RNF114: variants seen among roughly 807,000 people sequenced by gnomAD.
The protein encoded by RNF114 is E3 ubiquitin-protein ligase RNF114.
A neutral mutation model predicts 28.4 loss-of-function variants in RNF114; 6 were observed. That is an observed-to-expected ratio of 0.21 (90% confidence interval 0.12 to 0.42). The LOEUF (loss-of-function observed/expected upper bound fraction) is 0.42, where lower values mean the gene tolerates loss of function less well. Ranked by LOEUF, RNF114 falls within the 10% of genes least tolerant of loss-of-function variation. The pLI, the probability that RNF114 is intolerant of heterozygous loss-of-function variation, is 1.00. For missense variants in RNF114, 249 were observed against 311.7 expected, an observed-to-expected ratio of 0.80 and a Z score of 1.51; for synonymous variants, 115 against 116.7, an observed-to-expected ratio of 0.99 and a Z score of 0.09.
At chr20:49,937,951 A>T (rs984571996) in intron 1 of RNF114, among the ~76,000 whole-genome samples, 5 of 152,208 alleles carry the variant, frequency 3.3e-5, no homozygotes, top group Non-Finnish European at 7.3e-5. Flanking sequence ...TTGATTATAA[A>T]TAAGTACCAA....
At chr20:49,936,697 T>A in intron 1 of RNF114, 145 bp downstream of exon 1, 1 of 965,254 alleles carries the variant, frequency 1.0e-6, no homozygotes, top group Non-Finnish European at 1.5e-6. Context: ...CTAAGGGCCG[T>A]GAAAGCTGCC....
In RNF114 at chr20:49,941,708, G is replaced by T. The variant is rs200023656; in HGVS notation, c.288G>T (p.Lys96Asn). The change falls in exon 2 of 6, where the codon AAG becomes AAT. Residue 96 changes from lysine to asparagine, a missense_variant. By Grantham distance (94) the Lys-to-Asn change is moderately conservative. This residue lies in a region of RNF114 where 126 missense variants were observed against 205.3 expected (regional missense o/e 0.61). Transcript: ENST00000244061. ...STETSCHGCR[K>N]NFFLSKIRSH... ...AGACTTCTTGCCATGGCTGCCGTAAGAATGTATGTGGAAGTGATGTGGAAG... is the reference window on the plus strand; with the variant it reads ...AGACTTCTTGCCATGGCTGCCGTAATAATGTATGTGGAAGTGATGTGGAAG... The T allele has an allele frequency of 3.7e-6, 6 of 1,610,848 alleles. No homozygotes were observed. Among genetic ancestry groups the T allele is most frequent in the Non-Finnish European group, 5.1e-6 (6 of 1,179,470 alleles).
chr20:49,942,719 G>C (rs753566202), intron 2 of RNF114, among the ~76,000 whole-genome samples: 1 of 152,190 alleles, frequency 6.6e-6, no homozygotes, highest in Non-Finnish European at 1.5e-5. Flanking sequence ...AACTGTTCGG[G>C]AGGCTGAGGT....
intron 4 of RNF114, among the ~76,000 whole-genome samples, chr20:49,947,862 A>G (rs1436834487): frequency 8.0e-6 from 1 of 125,470 alleles, no homozygotes; most frequent in Non-Finnish European, 1.6e-5. Context: ...CGCGATCTCG[A>G]CTCACTGCAA....
At chr20:49,937,699 AC>A (rs972830078) in intron 1 of RNF114, among the ~76,000 whole-genome samples, 19 of 150,682 alleles carry the variant, frequency 1.3e-4, no homozygotes, top group African/African-American at 4.6e-4. Flanking sequence ...TCTTCCCCCC[AC>A]CCCTCCCTTT....
At position 49,952,989 on chromosome 20, in the gene RNF114, C is replaced by CT. The variant is rs2090361416; in HGVS notation, c.*850dup. On this transcript the variant is annotated 3_prime_UTR_variant, in exon 6 of 6. Coordinates refer to ENST00000244061, the MANE Select transcript of RNF114 (RefSeq NM_018683.4). ...CTCCATTTGGGAGCCTGCCTACATT[C>CT]TTGTTCTAGAAGCACAAAAAATCCT... 1 of 152,286 alleles carries CT rather than the reference C, an allele frequency of 6.6e-6. No individual in the cohort carries two copies. Among genetic ancestry groups the CT allele is most frequent in the South Asian group, 2.1e-4 (1 of 4,832 alleles). The allele number at this position is 152,286 out of a possible 1,614,324, so 9.4% of individuals were successfully genotyped here.
At chr20:49,951,380 C>T (rs138607679) in intron 5 of RNF114, among the ~76,000 whole-genome samples, 11 of 151,974 alleles carry the variant, frequency 7.2e-5, no homozygotes, top group African/African-American at 2.7e-4. Flanking sequence ...ATAGTTTCTG[C>T]TGTATTGTAT....
chr20:49,940,053 C>CAAAAAAAAAA (rs71190515), intron 1 of RNF114, among the ~76,000 whole-genome samples: 1 of 75,556 alleles, frequency 1.3e-5, no homozygotes, highest in Non-Finnish European at 2.4e-5. Flanking sequence ...GACTCTGTCT[C>CAAAAAAAAAA]AAAAAAAAAA....
At chr20:49,940,867 G>A (rs999820842) in intron 1 of RNF114, among the ~76,000 whole-genome samples, 8 of 151,886 alleles carry the variant, frequency 5.3e-5, no homozygotes, top group African/African-American at 1.9e-4. Context: ...TCAGCCTCCC[G>A]AGTAGCTGGG....
intron 1 of RNF114, among the ~76,000 whole-genome samples, chr20:49,938,180 A>C (rs186239089): frequency 3.3e-5 from 5 of 152,374 alleles, no homozygotes; most frequent in Non-Finnish European, 5.9e-5. Flanking sequence ...AGTGGATTTC[A>C]TTTACTATTA....
chr20:49,949,616 A>G (rs993655323), intron 5 of RNF114, among the ~76,000 whole-genome samples: 1 of 152,158 alleles, frequency 6.6e-6, no homozygotes, highest in African/African-American at 2.4e-5. Flanking sequence ...TACAGTTTCT[A>G]TTCATGGGCC....
Position 49,941,596 on chromosome 20 carries a change from C to A in RNF114, c.176C>A (p.Pro59Gln), listed in dbSNP as rs1276052348. Residue 59 changes from proline to glutamine, a missense_variant, in exon 2 of 6, where the codon CCG becomes CAG. Transcript: ENST00000244061. ...GCATGCCTGCAGGAATGTCTGAAGC[C>A]GAAGAAGCCTGTCTGTGGGGTGTGT... ...CSACLQECLKPKKPVCGVCRS... is the reference protein window; with the variant it reads ...CSACLQECLKQKKPVCGVCRS... 2 of 1,609,512 alleles carry A rather than the reference C, an allele frequency of 1.2e-6. No individual in the cohort carries two copies. Among genetic ancestry groups the A allele is most frequent in the Non-Finnish European group, 1.7e-6 (2 of 1,176,950 alleles).
chr20:49,942,768 G>A (rs2090312685), intron 2 of RNF114, among the ~76,000 whole-genome samples: 2 of 152,156 alleles, frequency 1.3e-5, no homozygotes, highest in Non-Finnish European at 2.9e-5. Flanking sequence ...AGGTTGCAGT[G>A]AGCTGAGTTC....
At chr20:49,941,511 G>A (rs778583284) in intron 1 of RNF114, 50 bp from the exon 2 acceptor site, 17 of 1,517,242 alleles carry the variant, frequency 1.1e-5, no homozygotes, top group South Asian at 2.5e-5. Context: ...CATATTTGTC[G>A]TCTTGTCTCC....
chr20:49,947,111 T>C (rs1023912690), intron 4 of RNF114, among the ~76,000 whole-genome samples: 4 of 150,646 alleles, frequency 2.7e-5, no homozygotes, highest in East Asian at 3.9e-4. Flanking sequence ...TCCCAGCTAC[T>C]TGGGAGGCTG....
chr20:49,951,896 C>T (rs1182346624), intron 5 of RNF114, among the ~76,000 whole-genome samples, 180 bp from the exon 6 acceptor site: 1 of 151,908 alleles, frequency 6.6e-6, no homozygotes, highest in African/African-American at 2.4e-5. Flanking sequence ...AAAGAGAAGG[C>T]AGCAGAGACA....
rs1369807146 is a variant in RNF114 at position 49,952,063 on chromosome 20, T to C, written c.622-13T>C. ...AACAGTTGCTGAGGCTGCATGTCTCTTTTTGCCCTTAGGATTATGATGTTG... is the reference window on the plus strand; with the variant it reads ...AACAGTTGCTGAGGCTGCATGTCTCCTTTTGCCCTTAGGATTATGATGTTG... On this transcript the variant is annotated splice_polypyrimidine_tract_variant and intron_variant, in intron 5 of 5. Transcript: ENST00000244061. 1 of 1,610,724 alleles carries C rather than the reference T, an allele frequency of 6.2e-7. No homozygotes were observed. The highest frequency in any genetic ancestry group is 8.5e-7 in the Non-Finnish European group (1 of 1,177,048).
At chr20:49,946,328 G>C in intron 4 of RNF114, 78 bp downstream of exon 4, 1 of 714,508 alleles carries the variant, frequency 1.4e-6, no homozygotes, top group South Asian at 1.8e-5. Flanking sequence ...GGGATTAGTA[G>C]AATGAACTCC....
chr20:49,951,176 A>G (rs1177995117), intron 5 of RNF114, among the ~76,000 whole-genome samples: 1 of 152,098 alleles, frequency 6.6e-6, no homozygotes, highest in Non-Finnish European at 1.5e-5. Context: ...TATCTAAGAA[A>G]GAAAGCTCTC....
Sources: gnomAD v4.1 joint callset for allele counts (sites outside exome capture counted in the v4.1 genomes callset) on GRCh38, gnomAD v4.1.1 for gene constraint, gnomAD v4.1.1 regional missense constraint, MANE v1.5 for transcripts, NCBI Gene and HGNC (gene_info 2026-07-23, HGNC 2026-07-21) for gene names.